The following PHF24 variants were observed in gnomAD, a reference collection of about 807,000 sequenced individuals.
PHF24 encodes the protein PHD finger protein 24.
Under a neutral mutation model 42.6 loss-of-function variants are expected in PHF24, and 25 were observed. The ratio of observed to expected loss-of-function variants is 0.59; its 90% confidence interval spans 0.43 to 0.82. PHF24 has a LOEUF of 0.82. PHF24 is among the 40% of genes least tolerant of loss of function. The pLI is 0.00. For synonymous variants in PHF24, 185 were observed against 204.8 expected (o/e 0.90, Z 0.83); for missense variants, 470 against 538.1 (o/e 0.87, Z 1.25).
chr9:34,689,488 G>C, the PHF24 span: 2 of 311,240 alleles, frequency 6.4e-6, no homozygotes, highest in Admixed American at 4.6e-5. This position sits in a 1 kb window ranked among gnomAD's most constrained non-coding sequence, Gnocchi z 4.1. Flanking sequence ...TGGGTGCCAG[G>C]TGCCTTTTTT....
At chr9:34,824,775 C>T in the PHF24 span, among the ~76,000 whole-genome samples, 1 of 152,150 alleles carries the variant, frequency 6.6e-6, no homozygotes, top group Non-Finnish European at 1.5e-5. Context: ...CTCCACAGTT[C>T]ATGGGTACAG....
chr9:34,924,387 C>A, the PHF24 span, among the ~76,000 whole-genome samples: 1 of 152,208 alleles, frequency 6.6e-6, no homozygotes, highest in South Asian at 2.1e-4. Flanking sequence ...AAGTCTCCAG[C>A]TATTATTGTA....
chr9:34,721,050 A>G, the PHF24 span, among the ~76,000 whole-genome samples: 2 of 152,116 alleles, frequency 1.3e-5, no homozygotes, highest in African/African-American at 4.8e-5. Flanking sequence ...ATGTGGAAGA[A>G]TCCTTTCTTC....
At chr9:34,764,159 CT>C in the PHF24 span, among the ~76,000 whole-genome samples, 1 of 108,596 alleles carries the variant, frequency 9.2e-6, no homozygotes, top group African/African-American at 3.4e-5. Context: ...CTAAAATTCT[CT>C]TTTTTGGTTG....
At chr9:34,954,345 A>G (rs976661908), upstream of PHF24, among the ~76,000 whole-genome samples, 2 of 152,146 alleles carry the variant, frequency 1.3e-5, no homozygotes, top group Admixed American at 6.5e-5. Context: ...AATTGCACCA[A>G]CTTTGGTTGG....
chr9:34,711,895 T>C, the PHF24 span, among the ~76,000 whole-genome samples: 1 of 152,144 alleles, frequency 6.6e-6, no homozygotes, highest in African/African-American at 2.4e-5. Flanking sequence ...TGGCTGTGAG[T>C]TATTATTTTT....
At chr9:34,941,956 A>G in the PHF24 span, among the ~76,000 whole-genome samples, 1 of 152,180 alleles carries the variant, frequency 6.6e-6, no homozygotes, top group African/African-American at 2.4e-5. Flanking sequence ...CTTGTCACTA[A>G]GTGGCTGGTT....
the PHF24 span, among the ~76,000 whole-genome samples, chr9:34,790,908 C>A: frequency 6.6e-6 from 1 of 152,170 alleles, no homozygotes; most frequent in Non-Finnish European, 1.5e-5. Context: ...AGCAAGCAGG[C>A]CAGTGTGACT....
At chr9:34,901,592 C>T in the PHF24 span, among the ~76,000 whole-genome samples, 22 of 152,196 alleles carry the variant, frequency 1.4e-4, no homozygotes, top group Admixed American at 2.0e-4. Flanking sequence ...TTCCAACAAA[C>T]AAATTATAGA....
At chr9:34,731,586 TA>T in the PHF24 span, among the ~76,000 whole-genome samples, 1 of 152,238 alleles carries the variant, frequency 6.6e-6, no homozygotes, top group African/African-American at 2.4e-5. Context: ...TCACTTAATA[TA>T]ATGTTCTTCA....
the PHF24 span, among the ~76,000 whole-genome samples, chr9:34,711,770 T>A: frequency 6.6e-6 from 1 of 152,192 alleles, no homozygotes; most frequent in Non-Finnish European, 1.5e-5. Flanking sequence ...CTCAAACTCC[T>A]GACCTCAAAT....
chr9:34,833,484 A>T, the PHF24 span: 4 of 1,550,808 alleles, frequency 2.6e-6, 1 homozygote, highest in Non-Finnish European at 3.5e-6. Context: ...TCCTGGAGCA[A>T]TGTCTCCCCT....
the PHF24 span, among the ~76,000 whole-genome samples, chr9:34,795,444 G>A: frequency 2.0e-5 from 3 of 152,036 alleles, no homozygotes; most frequent in Non-Finnish European, 4.4e-5. Flanking sequence ...TTAATTGCTA[G>A]GAGACCTAGT....
chr9:34,680,544 C>T, the PHF24 span, among the ~76,000 whole-genome samples: 1 of 149,522 alleles, frequency 6.7e-6, no homozygotes. Context: ...AAAAATTAGC[C>T]GGGCGTAGTG....
At chr9:34,870,298 G>A in the PHF24 span, among the ~76,000 whole-genome samples, 2 of 151,908 alleles carry the variant, frequency 1.3e-5, no homozygotes, top group African/African-American at 4.8e-5. Context: ...GTATATAATG[G>A]ATAGTAATAC....
the PHF24 span, among the ~76,000 whole-genome samples, chr9:34,840,790 C>A: frequency 6.6e-6 from 1 of 152,016 alleles, no homozygotes; most frequent in African/African-American, 2.4e-5. Flanking sequence ...AGTTCATCTT[C>A]CATGCCATAT....
the PHF24 span, among the ~76,000 whole-genome samples, chr9:34,942,286 C>T: frequency 6.6e-5 from 10 of 152,198 alleles, no homozygotes; most frequent in African/African-American, 2.2e-4. Flanking sequence ...GAATGTGTTG[C>T]TTCCAGATCC....
chr9:34,832,640 A>G, the PHF24 span: 1 of 1,540,376 alleles, frequency 6.5e-7, no homozygotes, highest in East Asian at 2.4e-5. Context: ...TGGGGTTAAT[A>G]CACTCCAGAA....
upstream of PHF24, among the ~76,000 whole-genome samples, chr9:34,953,280 G>A (rs1457494336): frequency 6.6e-6 from 1 of 152,190 alleles, no homozygotes; most frequent in Non-Finnish European, 1.5e-5. This position sits in a 1 kb window ranked among gnomAD's most constrained non-coding sequence, Gnocchi z 4.1. Context: ...CTCCTGAGTA[G>A]CTAGGCATGT....
Sources: allele counts gnomAD v4.1 joint callset (sites outside exome capture counted in the v4.1 genomes callset), GRCh38; gene constraint gnomAD v4.1.1; non-coding constraint Gnocchi (gnomAD v3.1); transcripts MANE v1.5; gene names NCBI Gene and HGNC (gene_info 2026-07-23, HGNC 2026-07-21).